The following SLC2A14 variants were observed in gnomAD, a reference collection of about 807,000 sequenced individuals.
SLC2A14 encodes the protein solute carrier family 2, facilitated glucose transporter member 14.
Under a neutral mutation model 43.0 loss-of-function variants are expected in SLC2A14, and 13 were observed. The ratio of observed to expected loss-of-function variants is 0.30; its 90% confidence interval spans 0.20 to 0.48. The LOEUF (loss-of-function observed/expected upper bound fraction) is 0.48, where lower values mean the gene tolerates loss of function less well. Ranked by LOEUF, SLC2A14 falls within the 20% of genes least tolerant of loss-of-function variation. SLC2A14 has a pLI of 0.99. For synonymous variants in SLC2A14, 190 were observed against 233.8 expected (o/e 0.81, Z 1.71); for missense variants, 428 against 620.4 (o/e 0.69, Z 3.29).
intron 2 of SLC2A14, among the ~76,000 whole-genome samples, chr12:7,842,632 AGGCTACCACCCCCCTC>A (rs1866060838): frequency 1.3e-5 from 2 of 151,900 alleles, no homozygotes; most frequent in African/African-American, 4.8e-5. Flanking sequence ...CACAATCACC[AGGCTACCACCCCCCTC>A]CCCCCACTCA....
At chr12:7,857,084 T>C (rs1351845363) in intron 2 of SLC2A14, among the ~76,000 whole-genome samples, 1 of 151,440 alleles carries the variant, frequency 6.6e-6, no homozygotes, top group Non-Finnish European at 1.5e-5. Context: ...ACCCCATCTC[T>C]ACTAAAAATA....
At position 7,826,872 on chromosome 12, in the gene SLC2A14, TCTTTCTTTCTTTC is replaced by T. The variant is rs1565507841; in HGVS notation, c.864+610_864+622del. Among the ~76,000 whole-genome samples, 52 of 64,284 alleles carry T rather than the reference TCTTTCTTTCTTTC, an allele frequency of 8.1e-4. 4 individuals are homozygous for T. Among genetic ancestry groups the T allele is most frequent in the African/African-American group, 3.3e-3 (50 of 15,056 alleles). The allele number at this position is 64,284 out of a possible 152,430, so 42.2% of individuals were successfully genotyped here. On this transcript the variant is annotated intron_variant, in intron 7 of 10. Coordinates refer to ENST00000431042, the MANE Select transcript of SLC2A14 (RefSeq NM_001286234.2). The stretch of plus-strand genomic sequence containing the variant: ...TTCCTTCCTTTCTTTTTTCTTTCTT[TCTTTCTTTCTTTC>T]TTTCTTTCTTTCTTTCTTTCTTTCT...
In SLC2A14 at chr12:7,842,162, G is replaced by A. The variant is rs113263628; in HGVS notation, c.19-9348C>T. Among the ~76,000 whole-genome samples, 364 of 152,212 alleles carry A rather than the reference G, an allele frequency of 2.4e-3. 2 individuals are homozygous for A. The highest frequency in any genetic ancestry group is 8.5e-3 in the African/African-American group (353 of 41,542). Reference sequence around the variant, plus strand: ...ATACATTATGTAGCCTTTTCAGATTGGCTTATTTCACTTAGTGATATTCAT... The same window carrying A: ...ATACATTATGTAGCCTTTTCAGATTAGCTTATTTCACTTAGTGATATTCAT... On this transcript the variant is annotated intron_variant, in intron 2 of 10. Coordinates refer to ENST00000431042, the MANE Select transcript of SLC2A14 (RefSeq NM_001286234.2).
chr12:7,841,639 C>T (rs1865953739), intron 2 of SLC2A14, among the ~76,000 whole-genome samples: 2 of 152,122 alleles, frequency 1.3e-5, no homozygotes, highest in South Asian at 4.1e-4. Context: ...TATTCAAGTT[C>T]ATTCTTTGTG....
At chr12:7,871,393 G>A (rs1221172337) in intron 1 of SLC2A14, 9 of 318,686 alleles carry the variant, frequency 2.8e-5, no homozygotes, top group African/African-American at 1.1e-4. Flanking sequence ...CAGCCCTCGC[G>A]ACACCCTGGC....
intron 1 of SLC2A14, among the ~76,000 whole-genome samples, chr12:7,888,600 C>G (rs1375080244): frequency 6.6e-6 from 1 of 151,908 alleles, no homozygotes; most frequent in East Asian, 1.9e-4. Context: ...GAGATCGAGA[C>G]CATCCTGGCC....
At chr12:7,832,201 A>G (rs929243531) in intron 3 of SLC2A14, among the ~76,000 whole-genome samples, 1 of 152,158 alleles carries the variant, frequency 6.6e-6, no homozygotes, top group East Asian at 1.9e-4. Flanking sequence ...GGCAGATAAC[A>G]TATTGGAATT....
chr12:7,844,454 A>G (rs1305497742), intron 2 of SLC2A14, among the ~76,000 whole-genome samples: 2 of 152,054 alleles, frequency 1.3e-5, no homozygotes, highest in Non-Finnish European at 2.9e-5. Context: ...TGCTGAATGT[A>G]TGAATTCTTT....
chr12:7,815,558 C>A (rs1355621990), intron 10 of SLC2A14, among the ~76,000 whole-genome samples: 1 of 151,990 alleles, frequency 6.6e-6, no homozygotes, highest in Non-Finnish European at 1.5e-5. Context: ...TACAGTAGTC[C>A]CCAGTTATCC....
At chr12:7,882,084 C>G (rs1398130713) in intron 1 of SLC2A14, among the ~76,000 whole-genome samples, 4 of 152,134 alleles carry the variant, frequency 2.6e-5, no homozygotes, top group East Asian at 1.9e-4. Flanking sequence ...CCTTTCTACA[C>G]TTGGAGGCTT....
chr12:7,843,831 G>A (rs1360603667), intron 2 of SLC2A14, among the ~76,000 whole-genome samples: 5 of 151,580 alleles, frequency 3.3e-5, no homozygotes, highest in Admixed American at 1.3e-4. Flanking sequence ...ATGCTCATCA[G>A]ACGTTCCAAT....
intron 2 of SLC2A14, among the ~76,000 whole-genome samples, chr12:7,836,270 G>T (rs1247650187): frequency 6.6e-6 from 1 of 151,036 alleles, no homozygotes; most frequent in East Asian, 2.0e-4. Flanking sequence ...ACCCAGGCTG[G>T]TGTGCAGTGG....
chr12:7,847,476 AGAT>A (rs1365076626), intron 2 of SLC2A14, among the ~76,000 whole-genome samples: 1 of 152,206 alleles, frequency 6.6e-6, no homozygotes, highest in Non-Finnish European at 1.5e-5. Context: ...AAGGGAAAAC[AGAT>A]GACAGGTTAA....
In SLC2A14 at chr12:7,848,699, G is replaced by GTGCCCGCAACCA. The variant is rs1346387340; in HGVS notation, c.19-15886_19-15885insTGGTTGCGGGCA. On this transcript the variant is annotated intron_variant, in intron 2 of 10. Coordinates refer to ENST00000431042, the MANE Select transcript of SLC2A14 (RefSeq NM_001286234.2). ...GCCTCCCGAGTAGCTGGGATTACAG[G>GTGCCCGCAACCA]TGCCCGCCACCATGCCCGGCTAATT... is the stretch of plus-strand genomic sequence containing the variant. Among the ~76,000 whole-genome samples the GTGCCCGCAACCA allele has an allele frequency of 2.6e-5, 4 of 151,816 alleles. No individual in the cohort carries two copies. In the East Asian group the frequency reaches 7.7e-4, roughly 29 times the overall value.
At chr12:7,826,886 T>TTTCC (rs1864456354) in intron 7 of SLC2A14, among the ~76,000 whole-genome samples, 1 of 54,006 alleles carries the variant, frequency 1.9e-5, no homozygotes, top group African/African-American at 1.3e-4. Flanking sequence ...TCTTTCTTTC[T>TTTCC]TTCTTTCTTT....
chr12:7,828,934 A>G (rs1267789220), intron 5 of SLC2A14, 68 bp from the exon 6 acceptor site: 2 of 1,568,546 alleles, frequency 1.3e-6, no homozygotes, highest in African/African-American at 1.4e-5. Flanking sequence ...TTGAAACACA[A>G]AAAGTTGGCT....
intron 1 of SLC2A14, chr12:7,871,002 A>T (rs12372284): frequency 0.69 from 991,066 of 1,432,750 alleles, 344,679 homozygotes; most frequent in East Asian, 0.97. Context: ...GATGGCTTCA[A>T]TGACAAGGGG....
chr12:7,864,245 A>G lies in SLC2A14; in HGVS notation c.18+5618T>C, dbSNP rs183078230. Among the ~76,000 whole-genome samples the G allele has an allele frequency of 1.4e-4, 21 of 152,140 alleles. 1 individual carries two copies. The East Asian group carries it at 3.9e-3, about 28-fold the overall frequency. On this transcript the variant is annotated intron_variant, in intron 2 of 10. Coordinates refer to ENST00000431042, the MANE Select transcript of SLC2A14 (RefSeq NM_001286234.2). ...TGTAGCCTATCTTTTCACCATATAC[A>G]TGGGGCCTTTTGCAGAGCAAAAGCT...
intron 2 of SLC2A14, among the ~76,000 whole-genome samples, chr12:7,841,421 C>T (rs1865936351): frequency 6.6e-6 from 1 of 152,096 alleles, no homozygotes; most frequent in Non-Finnish European, 1.5e-5. Context: ...TCACCATGCC[C>T]GGCTAATTTT....
Sources: allele counts gnomAD v4.1 joint callset (sites outside exome capture counted in the v4.1 genomes callset), GRCh38; gene constraint gnomAD v4.1.1; transcripts MANE v1.5; gene names NCBI Gene and HGNC (gene_info 2026-07-23, HGNC 2026-07-21).